MYOCD: variants seen among roughly 807,000 people sequenced by gnomAD.
MYOCD encodes the protein myocardin.
MYOCD carries 32 observed loss-of-function variants against 96.1 expected under a neutral mutation model. The observed-to-expected ratio is 0.33, with a 90% CI of 0.25 to 0.45. The LOEUF is 0.45. MYOCD is among the 20% of genes least tolerant of loss of function. MYOCD has a pLI of 1.00. For synonymous variants in MYOCD, 469 were observed against 469.0 expected (o/e 1.00, Z 0.00); for missense variants, 1,133 against 1,200.6 (o/e 0.94, Z 0.83).
At chr17:12,714,235 C>T (rs559993832) in intron 2 of MYOCD, among the ~76,000 whole-genome samples, 126 of 151,590 alleles carry the variant, frequency 8.3e-4, no homozygotes, top group Non-Finnish European at 1.4e-3. Context: ...GCCGTCATGA[C>T]TACAACTATG....
chr17:12,707,403 G>A (rs1022159673), intron 2 of MYOCD, among the ~76,000 whole-genome samples: 1 of 152,036 alleles, frequency 6.6e-6, no homozygotes, highest in African/African-American at 2.4e-5. Context: ...GGGGAAAGCT[G>A]ATAAAAAGCA....
At position 12,763,543 on chromosome 17, in the gene MYOCD, G is replaced by T. The variant is rs370289662; in HGVS notation, c.2860G>T (p.Ala954Ser). The T allele has an allele frequency of 1.3e-5, 21 of 1,614,126 alleles. No homozygotes were observed. Among genetic ancestry groups the T allele is most frequent in the Middle Eastern group, 1.6e-4 (1 of 6,062 alleles). Residue 954 changes from alanine to serine, a missense_variant, in exon 14 of 14, where the codon GCC (alanine) becomes TCC (serine). By Grantham distance (99) the Ala-to-Ser change is moderately conservative (BLOSUM62 1). Transcript: ENST00000425538. ...TPPNSTPGFS[A>S]LTTSSPSIFN... ...GCCAAATTCCACACCAGGCTTTAGC[G>T]CCCTCACCACCAGCAGCCCCAGCAT...
rs766110300 is a variant in MYOCD at position 12,765,458 on chromosome 17, T to A, written c.*1814T>A. On this transcript the variant is annotated 3_prime_UTR_variant, in exon 14 of 14. Coordinates refer to ENST00000425538, the MANE Select transcript of MYOCD (RefSeq NM_001146312.3). Reference sequence around the variant, plus strand: ...TGTAAAAATGTGTGAACACAGAGAGTTTTTGGTGATTGCTACTCTGAAAGC... The same window carrying A: ...TGTAAAAATGTGTGAACACAGAGAGATTTTGGTGATTGCTACTCTGAAAGC... The A allele has an allele frequency of 6.6e-6, 1 of 152,004 alleles. No individual in the cohort carries two copies. Among genetic ancestry groups the A allele is most frequent in the Non-Finnish European group, 1.5e-5 (1 of 68,004 alleles). The allele number at this position is 152,004 out of a possible 1,614,324, so 9.4% of individuals were successfully genotyped here.
intron 12 of MYOCD, among the ~76,000 whole-genome samples, chr17:12,758,622 C>T (rs1479867478): frequency 6.6e-6 from 1 of 152,222 alleles, no homozygotes; most frequent in Non-Finnish European, 1.5e-5. Context: ...CTAAGGTTCT[C>T]CCTGGCTTTA....
In MYOCD at chr17:12,736,284, C is replaced by T. The variant is rs1276146054; in HGVS notation, c.539C>T (p.Pro180Leu). Residue 180 changes from proline (P) to leucine (L), a missense_variant, in exon 6 of 14, where the codon CCA becomes CTA. By Grantham distance (98) the Pro-to-Leu change is moderately conservative. Transcript: ENST00000425538. The part of the protein sequence containing the change: ...EDPQNSAGSP[P>L]DAKASDTPST... ...CCCCAAAACTCAGCGGGATCCCCGC[C>T]AGACGCTAAAGCCTCAGATACCCCT... 6.2e-6 allele frequency: 10 copies of T among 1,614,110 alleles called. No individual in the cohort carries two copies. In the Admixed American group the frequency reaches 8.3e-5, roughly 13 times the overall value.
chr17:12,755,602 C>T (rs2032989276), intron 10 of MYOCD, among the ~76,000 whole-genome samples: 1 of 151,644 alleles, frequency 6.6e-6, no homozygotes. Context: ...TTAGGCCAGG[C>T]GCGATGGTTC....
intron 9 of MYOCD, 124 bp from the exon 10 acceptor site, chr17:12,752,290 G>A (rs2150719263): frequency 2.6e-6 from 2 of 781,274 alleles, no homozygotes; most frequent in East Asian, 5.3e-5. Flanking sequence ...TCGGAAAGAA[G>A]TATAAAAAAG....
rs1431630431 is a variant in MYOCD at position 12,766,317 on chromosome 17, T to C, written c.*2673T>C. ...TACTTCTCCAGATTGTACCTTTTTA[T>C]GGGGATCTTTGAGGCTATGACCCAG... is the stretch of plus-strand genomic sequence containing the variant. On this transcript the variant is annotated 3_prime_UTR_variant, in exon 14 of 14. Coordinates refer to ENST00000425538, the MANE Select transcript of MYOCD (RefSeq NM_001146312.3). The C allele has an allele frequency of 6.6e-6, 1 of 152,200 alleles. No homozygotes were observed. Among genetic ancestry groups the C allele is most frequent in the African/African-American group, 2.4e-5 (1 of 41,454 alleles). The allele number at this position is 152,200 out of a possible 1,614,324, so 9.4% of individuals were successfully genotyped here.
chr17:12,692,411 TC>T (rs1263431817), intron 1 of MYOCD, among the ~76,000 whole-genome samples: 1 of 152,220 alleles, frequency 6.6e-6, no homozygotes, highest in African/African-American at 2.4e-5. Context: ...ATTAATGCCG[TC>T]CCAATAATCC....
chr17:12,701,285 G>A (rs984317857), intron 1 of MYOCD, among the ~76,000 whole-genome samples: 6 of 152,224 alleles, frequency 3.9e-5, no homozygotes, highest in Middle Eastern at 3.4e-3. Flanking sequence ...GGTGGTGCAC[G>A]CTTGTAATCC....
intron 1 of MYOCD, among the ~76,000 whole-genome samples, chr17:12,668,210 ATT>A (rs1441913823): frequency 3.3e-5 from 5 of 152,022 alleles, no homozygotes; most frequent in Admixed American, 6.6e-5. Context: ...CTTTATTTTG[ATT>A]TCTCTCTCTC....
In MYOCD at chr17:12,733,956, C is replaced by T. The variant is rs140830601; in HGVS notation, c.416-2205C>T. The stretch of plus-strand genomic sequence containing the variant: ...AGTCTAACAAAGTTAGCTGTTTTTG[C>T]TATTGCTGCCACTGCTAGGTAAACT... On this transcript the variant is annotated intron_variant, in intron 5 of 13. Transcript: ENST00000425538. 2.9e-3 allele frequency among the ~76,000 whole-genome samples: 443 copies of T among 152,058 alleles called. 2 individuals are homozygous for T. Among genetic ancestry groups the T allele is most frequent in the Non-Finnish European group, 5.5e-3 (372 of 67,972 alleles).
At chr17:12,717,692 T>C (rs1377914924) in intron 4 of MYOCD, among the ~76,000 whole-genome samples, 1 of 152,216 alleles carries the variant, frequency 6.6e-6, no homozygotes, top group African/African-American at 2.4e-5. Flanking sequence ...ACATAACTTC[T>C]AGGAGTGCAT....
chr17:12,758,281 T>A, intron 12 of MYOCD, 68 bp downstream of exon 12: 1 of 1,603,894 alleles, frequency 6.2e-7, no homozygotes, highest in Non-Finnish European at 8.5e-7. Flanking sequence ...TTTGATATGA[T>A]TAAACTTCAC....
At chr17:12,724,800 A>G (rs1457002068) in intron 5 of MYOCD, among the ~76,000 whole-genome samples, 1 of 152,052 alleles carries the variant, frequency 6.6e-6, no homozygotes, top group Non-Finnish European at 1.5e-5. Context: ...TTGTGTTAAT[A>G]TCTGTCTTCA....
intron 6 of MYOCD, among the ~76,000 whole-genome samples, chr17:12,737,268 A>C (rs1282758666): frequency 6.6e-6 from 1 of 152,198 alleles, no homozygotes; most frequent in Non-Finnish European, 1.5e-5. Flanking sequence ...AGGGGGAAAA[A>C]AAAAGAATAA....
rs112037166 is a variant in MYOCD at position 12,761,231 on chromosome 17, G to A, written c.2389+524G>A. The A allele has an allele frequency of 9.2e-3, 1,411 of 153,668 alleles. 26 individuals are homozygous for A. The highest frequency in any genetic ancestry group is 0.032 in the African/African-American group (1,331 of 41,530). 9.5% of individuals were successfully genotyped at this position (153,668 alleles called of 1,614,324 possible). A position where few individuals can be genotyped will look rare whatever the true frequency, so the allele number is the denominator to read the frequency against. ...TTATTTACTTAAAAAATTATGGAGT[G>A]TGTACCTAGAATTTTAAACCACACA... On this transcript the variant is annotated intron_variant, in intron 13 of 13. Transcript: ENST00000425538.
Position 12,745,905 on chromosome 17 carries a change from T to C in MYOCD, c.972-14T>C, listed in dbSNP as rs572320110. On this transcript the variant is annotated splice_polypyrimidine_tract_variant and intron_variant, in intron 8 of 13. Coordinates refer to ENST00000425538, the MANE Select transcript of MYOCD (RefSeq NM_001146312.3). ...TTTGATTGTACTTGAAATGCCTCTT[T>C]GTTTGTTTTTTAGGGAACCAAATGA... 1.2e-5 allele frequency: 20 copies of C among 1,613,230 alleles called. No individual in the cohort carries two copies. Among genetic ancestry groups the C allele is most frequent in the African/African-American group, 2.7e-5 (2 of 74,872 alleles).
chr17:12,763,729 A>T lies in MYOCD; in HGVS notation c.*85A>T. 8.6e-7 allele frequency: 1 copy of T among 1,161,990 alleles called. No individual in the cohort carries two copies. The highest frequency in any genetic ancestry group is 1.2e-6 in the Non-Finnish European group (1 of 829,576). 72.0% of individuals were successfully genotyped at this position (1,161,990 alleles called of 1,614,324 possible). ...GCCATACATACTTTACTGTCCAAAA[A>T]CAGAAGAAGAAGAAGAGAATTAAAA... On this transcript the variant is annotated 3_prime_UTR_variant, in exon 14 of 14. Transcript: ENST00000425538.
Sources: allele counts gnomAD v4.1 joint callset (sites outside exome capture counted in the v4.1 genomes callset), GRCh38; gene constraint gnomAD v4.1.1; transcripts MANE v1.5; gene names NCBI Gene and HGNC (gene_info 2026-07-23, HGNC 2026-07-21).